CIT: variants seen among roughly 807,000 people sequenced by gnomAD.
The protein encoded by CIT is citron Rho-interacting kinase.
A neutral mutation model predicts 272.7 loss-of-function variants in CIT; 79 were observed. The observed-to-expected ratio is 0.29, with a 90% confidence interval of 0.24 to 0.35. CIT has a LOEUF of 0.35. Ranked by LOEUF, CIT falls within the 10% of genes least tolerant of loss-of-function variation. The pLI, the probability that CIT is intolerant of heterozygous loss-of-function variation, is 1.00. For synonymous variants in CIT, 948 were observed against 995.6 expected, an observed-to-expected ratio of 0.95 and a Z score of 0.90; for missense variants, 1,909 against 2,618.3, an observed-to-expected ratio of 0.73 and a Z score of 5.91.
chr12:119,795,477 T>A (rs1490936796), intron 10 of CIT, among the ~76,000 whole-genome samples: 1 of 152,212 alleles, frequency 6.6e-6, no homozygotes, highest in Non-Finnish European at 1.5e-5. Flanking sequence ...AACCCAAGCA[T>A]CATGATCATC....
chr12:119,785,404 T>C (rs1378350833), intron 10 of CIT, among the ~76,000 whole-genome samples: 1 of 152,070 alleles, frequency 6.6e-6, no homozygotes, highest in Non-Finnish European at 1.5e-5. Context: ...CTGAAGATGT[T>C]ACACCAATGG....
At chr12:119,772,964 G>A in intron 16 of CIT, 54 bp from the exon 17 acceptor site, 1 of 1,472,822 alleles carries the variant, frequency 6.8e-7, no homozygotes, top group South Asian at 1.3e-5. Context: ...CATATAAAAA[G>A]ATGGTGACAG....
chr12:119,758,557 A>G (rs1215918667), intron 21 of CIT, 34 bp downstream of exon 21: 1 of 1,355,896 alleles, frequency 7.4e-7, no homozygotes, highest in African/African-American at 1.4e-5. Context: ...ACCAAAGTGT[A>G]ATAATGTAGG....
chr12:119,709,792 GTGTGTGTGT>G (rs1957068603), intron 39 of CIT, among the ~76,000 whole-genome samples: 1 of 2,956 alleles, frequency 3.4e-4, no homozygotes, highest in Non-Finnish European at 1.3e-3. Flanking sequence ...GAGAGAGTGT[GTGTGTGTGT>G]GTGTGTGTGT....
chr12:119,707,601 A>C (rs1252749639), intron 40 of CIT, among the ~76,000 whole-genome samples: 3 of 151,898 alleles, frequency 2.0e-5, no homozygotes, highest in Non-Finnish European at 2.9e-5. Context: ...TCCTGGGTTC[A>C]AGTCATTTTC....
chr12:119,776,436 G>GC (rs1963752983), intron 14 of CIT, 28 bp from the exon 15 acceptor site: 1 of 1,602,792 alleles, frequency 6.2e-7, no homozygotes, highest in Non-Finnish European at 8.5e-7. Flanking sequence ...CAACATATTG[G>GC]GAAATCTCAA....
At chr12:119,719,077 C>CA (rs150928671) in intron 30 of CIT, 116 of 528,206 alleles carry the variant, frequency 2.2e-4, no homozygotes, top group African/African-American at 2.0e-3. Flanking sequence ...AAGTTTTCAC[C>CA]AAGAGGATTA....
In CIT at chr12:119,854,057, C is replaced by T. The variant is rs186862612; in HGVS notation, c.414+3466G>A. 1.7e-4 allele frequency among the ~76,000 whole-genome samples: 26 copies of T among 150,974 alleles called. No homozygotes were observed. In the East Asian group the frequency reaches 4.9e-3, roughly 29 times the overall value. ...TTTTTTTTTTTTGAGACGGAGTGTTCGCTCTTGTTGCCCAGGCTGTAGTGC... is the reference window on the plus strand; with the variant it reads ...TTTTTTTTTTTTGAGACGGAGTGTTTGCTCTTGTTGCCCAGGCTGTAGTGC... On this transcript the variant is annotated intron_variant, in intron 4 of 47. Transcript: ENST00000392521.
At chr12:119,859,999 G>A (rs1440315301) in intron 3 of CIT, among the ~76,000 whole-genome samples, 1 of 151,944 alleles carries the variant, frequency 6.6e-6, no homozygotes, top group East Asian at 1.9e-4. Context: ...AAATTTTTTT[G>A]TACAGGTAGG....
intron 41 of CIT, among the ~76,000 whole-genome samples, chr12:119,703,644 T>C (rs1179750344): frequency 6.6e-6 from 1 of 152,150 alleles, no homozygotes; most frequent in Non-Finnish European, 1.5e-5. Context: ...CAGGCTGGTC[T>C]CAAACTCCTG....
chr12:119,861,055 A>C, intron 3 of CIT, among the ~76,000 whole-genome samples: 1 of 151,212 alleles, frequency 6.6e-6, no homozygotes, highest in Middle Eastern at 3.2e-3. Flanking sequence ...AGGGAGACAG[A>C]GGTTGCAGTG....
At chr12:119,727,650 C>T (rs1024576076) in intron 28 of CIT, among the ~76,000 whole-genome samples, 17 of 152,142 alleles carry the variant, frequency 1.1e-4, no homozygotes, top group African/African-American at 3.1e-4. Flanking sequence ...CCAGGCAGGG[C>T]ACGGGGACTC....
At chr12:119,720,438 T>A (rs1593471182) in intron 30 of CIT, 40 bp downstream of exon 30, 17 of 1,413,076 alleles carry the variant, frequency 1.2e-5, no homozygotes, top group Non-Finnish European at 1.7e-5. Flanking sequence ...GAATGATGAG[T>A]GAAACTGACA....
intron 3 of CIT, among the ~76,000 whole-genome samples, chr12:119,860,539 T>C (rs1400199674): frequency 6.6e-6 from 1 of 152,178 alleles, no homozygotes. Context: ...ATTTTGTTAT[T>C]GCTCATACAC....
At position 119,690,402 on chromosome 12, in the gene CIT, C is replaced by T. The variant is rs759454497; in HGVS notation, c.5935G>A (p.Val1979Met). ...TCGGGCGGCGCTGGGCTGGAGGCCA[C>T]GCGCTTGGTGATGTGCTCGTTGTAC... The part of the protein sequence containing the change: ...PTYNEHITKR[V>M]ASSPAPPEGP... Residue 1979 changes from valine to methionine, a missense_variant, in exon 47 of 48, where the codon GTG becomes ATG. This residue lies in a region of CIT where 780 missense variants were observed against 1,067.2 expected (regional missense o/e 0.73). Transcript: ENST00000392521. This position sits in a 1 kb window ranked among gnomAD's most constrained non-coding sequence, Gnocchi z 6.0. The T allele has an allele frequency of 2.5e-6, 4 of 1,596,078 alleles. No individual in the cohort carries two copies. The highest frequency in any genetic ancestry group is 2.5e-6 in the Non-Finnish European group (3 of 1,177,234).
chr12:119,783,860 A>C (rs761916488), intron 12 of CIT, 48 bp downstream of exon 12: 2 of 1,536,406 alleles, frequency 1.3e-6, no homozygotes, highest in Non-Finnish European at 1.7e-6. Flanking sequence ...AGACACACAC[A>C]ACAGGAAGTG....
At chr12:119,705,742 A>G (rs1956835744) in intron 40 of CIT, among the ~76,000 whole-genome samples, 1 of 124,332 alleles carries the variant, frequency 8.0e-6, no homozygotes, top group African/African-American at 2.9e-5. Flanking sequence ...ACTGCATTCC[A>G]GCCTGGGTGA....
rs773541720 is a variant in CIT, at chr12:119,714,296, T to A, written c.4207A>T (p.Ile1403Phe). ...AGTCCTACGTTGAATCGGTGAGGAATATTGTGGTGCATGCGTTCCTTAAGA... is the reference window on the plus strand; with the variant it reads ...AGTCCTACGTTGAATCGGTGAGGAAAATTGTGGTGCATGCGTTCCTTAAGA... ...RRLKERMHHN[I>F]PHRFNVGLNM... The change falls in exon 33 of 48, where the codon ATT becomes TTT. Residue 1403 changes from isoleucine to phenylalanine, a missense_variant. Physicochemically the swap from Ile to Phe is conservative, Grantham distance 21. Transcript: ENST00000392521. The A allele has an allele frequency of 8.1e-6, 13 of 1,614,026 alleles. No homozygotes were observed. The Admixed American group carries it at 1.5e-4, about 19-fold the overall frequency.
chr12:119,782,712 G>C, intron 12 of CIT, 75 bp from the exon 13 acceptor site: 1 of 1,571,884 alleles, frequency 6.4e-7, no homozygotes, highest in Admixed American at 1.8e-5. Flanking sequence ...TAAGAGAGCT[G>C]CAAGCTGCTT....
Sources: allele counts gnomAD v4.1 joint callset (sites outside exome capture counted in the v4.1 genomes callset), GRCh38; gene constraint gnomAD v4.1.1; regional missense constraint gnomAD v4.1.1; non-coding constraint Gnocchi (gnomAD v3.1); transcripts MANE v1.5; gene names NCBI Gene and HGNC (gene_info 2026-07-23, HGNC 2026-07-21).